PCM1: variants seen among roughly 807,000 people sequenced by gnomAD.
PCM1 encodes pericentriolar material 1.
A neutral mutation model predicts 241.9 loss-of-function variants in PCM1; 157 were observed. That is an observed-to-expected ratio of 0.65 (90% CI 0.57 to 0.74). The LOEUF is 0.74. PCM1 is among the 30% of genes least tolerant of loss of function. The pLI is 0.00. For synonymous variants in PCM1, 1,085 were observed against 784.9 expected, an observed-to-expected ratio of 1.38 and a Z score of -6.39; for missense variants, 3,478 against 2,360.1, an observed-to-expected ratio of 1.47 and a Z score of -9.81.
In PCM1 at chr8:18,014,681, T is replaced by A; in HGVS notation, c.5682T>A (p.Thr1894=). 1 of 1,613,886 alleles carries A rather than the reference T, an allele frequency of 6.2e-7. No homozygotes were observed. Among genetic ancestry groups the A allele is most frequent in the South Asian group, 1.1e-5 (1 of 91,080 alleles). The part of the protein sequence containing the change: ...NSAAHKESPP[T]VDSTQQPNPL... Reference sequence around the variant, plus strand: ...CTGCCCATAAGGAGTCACCTCCTACTGTTGATTCAACTCAACAGCCTAACC... The same window carrying A: ...CTGCCCATAAGGAGTCACCTCCTACAGTTGATTCAACTCAACAGCCTAACC... The change falls in exon 36 of 39, where the codon ACT becomes ACA. Residue 1894 remains threonine, a synonymous_variant. Transcript: ENST00000325083.
chr8:17,973,566 A>G (rs2077582527), intron 23 of PCM1, among the ~76,000 whole-genome samples: 1 of 152,046 alleles, frequency 6.6e-6, no homozygotes, highest in African/African-American at 2.4e-5. Context: ...TAAAAGTACA[A>G]AAATTAGCCG....
At chr8:17,978,880 A>G (rs1450813426) in intron 23 of PCM1, among the ~76,000 whole-genome samples, 2 of 152,254 alleles carry the variant, frequency 1.3e-5, no homozygotes, top group Admixed American at 1.3e-4. Flanking sequence ...CAGACATGTA[A>G]TGATGATTTG....
intron 6 of PCM1, among the ~76,000 whole-genome samples, chr8:17,945,706 A>G (rs1291390848): frequency 2.0e-5 from 3 of 152,210 alleles, no homozygotes; most frequent in African/African-American, 7.2e-5. Flanking sequence ...GATGTCACCC[A>G]GAAGGGAGTT....
chr8:17,986,168 G>A (rs2082516845), intron 26 of PCM1, 81 bp downstream of exon 26: 1 of 980,726 alleles, frequency 1.0e-6, no homozygotes. Flanking sequence ...TTGTCAAATT[G>A]TAGGTAGACC....
At chr8:17,979,498 G>T (rs1204197861) in intron 23 of PCM1, among the ~76,000 whole-genome samples, 4 of 152,182 alleles carry the variant, frequency 2.6e-5, no homozygotes, top group Admixed American at 1.3e-4. Flanking sequence ...GTAATATCCA[G>T]TAGCATGAAA....
At chr8:17,990,615 G>C (rs763329984) in intron 27 of PCM1, among the ~76,000 whole-genome samples, 7 of 151,892 alleles carry the variant, frequency 4.6e-5, no homozygotes, top group African/African-American at 7.3e-5. Context: ...AAAATATGTA[G>C]ATACTTGATA....
intron 6 of PCM1, among the ~76,000 whole-genome samples, chr8:17,946,385 CAAAT>C (rs1563782707): frequency 6.6e-6 from 1 of 151,958 alleles, no homozygotes; most frequent in East Asian, 1.9e-4. Context: ...ATAAGATTAT[CAAAT>C]AAAAAATGTA....
At chr8:18,011,181 A>G (rs2092446490) in intron 32 of PCM1, 56 bp from the exon 33 acceptor site, 6 of 1,286,122 alleles carry the variant, frequency 4.7e-6, no homozygotes, top group Non-Finnish European at 6.4e-6. Flanking sequence ...GACTTACTAT[A>G]TACCTTTTAC....
Position 17,950,855 on chromosome 8 carries a change from T to C in PCM1, c.1071+131T>C, listed in dbSNP as rs145395749. ...CAGTGTAGGTTTCTGATTGGTGGGGTCCCCCCCACCTTCAAAATTACGATT... is the reference window on the plus strand; with the variant it reads ...CAGTGTAGGTTTCTGATTGGTGGGGCCCCCCCCACCTTCAAAATTACGATT... On this transcript the variant is annotated intron_variant, in intron 8 of 38. Transcript: ENST00000325083. The C allele has an allele frequency of 1.7e-4, 108 of 636,488 alleles. No individual in the cohort carries two copies. In the East Asian group the frequency reaches 3.0e-3, roughly 18 times the overall value. The allele number at this position is 636,488 out of a possible 1,614,324, so 39.4% of individuals were successfully genotyped here.
At chr8:17,949,645 G>A (rs2065248533) in intron 7 of PCM1, among the ~76,000 whole-genome samples, 1 of 151,984 alleles carries the variant, frequency 6.6e-6, no homozygotes, top group South Asian at 2.1e-4. Context: ...ATACAGGCGT[G>A]CTGTACCACG....
chr8:17,965,202 G>C (rs1339510562), intron 18 of PCM1, among the ~76,000 whole-genome samples: 1 of 152,178 alleles, frequency 6.6e-6, no homozygotes, highest in Non-Finnish European at 1.5e-5. Context: ...GGTTTCCTCT[G>C]TGTGTCCCAC....
At chr8:17,929,698 C>T (rs551288651) in intron 2 of PCM1, among the ~76,000 whole-genome samples, 2 of 152,258 alleles carry the variant, frequency 1.3e-5, no homozygotes, top group South Asian at 2.1e-4. Flanking sequence ...CAGTAGTCTG[C>T]CCTATTCTGT....
At chr8:17,924,503 A>G (rs1305815516) in intron 1 of PCM1, among the ~76,000 whole-genome samples, 2 of 152,352 alleles carry the variant, frequency 1.3e-5, no homozygotes, top group Admixed American at 1.3e-4. Context: ...GTAAGATTTC[A>G]GAAGTTTAGG....
intron 29 of PCM1, among the ~76,000 whole-genome samples, chr8:17,998,614 A>C (rs1412124957): frequency 6.6e-6 from 1 of 152,104 alleles, no homozygotes; most frequent in Non-Finnish European, 1.5e-5. Flanking sequence ...GTCATACCTA[A>C]AGCCAGCACA....
At chr8:18,015,431 T>G (rs1371115669) in intron 36 of PCM1, among the ~76,000 whole-genome samples, 1 of 152,180 alleles carries the variant, frequency 6.6e-6, no homozygotes, top group Non-Finnish European at 1.5e-5. Flanking sequence ...GATAAATGCT[T>G]CTGTTAGAAC....
intron 18 of PCM1, 91 bp downstream of exon 18, chr8:17,964,859 C>A (rs909931286): frequency 3.4e-6 from 3 of 893,820 alleles, no homozygotes; most frequent in African/African-American, 3.3e-5. Context: ...TCCAAGCCAA[C>A]TGAATGTCCT....
At chr8:17,937,034 C>T (rs1007910935) in intron 3 of PCM1, 100 bp from the exon 4 acceptor site, 2 of 906,918 alleles carry the variant, frequency 2.2e-6, no homozygotes, top group African/African-American at 3.4e-5. Context: ...AATGTCTTGT[C>T]TTTTTTAATT....
Position 18,011,252 on chromosome 8 carries a change from G to C in PCM1, c.5236G>C (p.Glu1746Gln), listed in dbSNP as rs1401107330. Residue 1746 changes from glutamate (E) to glutamine (Q), a missense_variant, in exon 33 of 39, where the codon GAA becomes CAA. Coordinates refer to ENST00000325083, the MANE Select transcript of PCM1 (RefSeq NM_006197.4). ...TTGTGTCTAGGACAAGGATGAAACT[G>C]AAACAGTTAAGCAGACTCAAACATC... ...DDEDKDKDET[E>Q]TVKQTQTSEV... 3 of 1,604,418 alleles carry C rather than the reference G, an allele frequency of 1.9e-6. No homozygotes were observed. The highest frequency in any genetic ancestry group is 2.2e-5 in the East Asian group (1 of 44,622).
intron 6 of PCM1, among the ~76,000 whole-genome samples, chr8:17,946,460 G>T (rs2063796730): frequency 6.6e-6 from 1 of 151,424 alleles, no homozygotes; most frequent in Admixed American, 6.6e-5. Flanking sequence ...AGGTTTTGTT[G>T]TTGTTTTTAA....
Sources: allele counts gnomAD v4.1 joint callset (sites outside exome capture counted in the v4.1 genomes callset), GRCh38; gene constraint gnomAD v4.1.1; transcripts MANE v1.5; gene names NCBI Gene and HGNC (gene_info 2026-07-23, HGNC 2026-07-21).